The following ST18 variants were observed in gnomAD, a reference collection of about 807,000 sequenced individuals.
The protein encoded by ST18 is ST18 C2H2C-type zinc finger transcription factor, also known as suppression of tumorigenicity 18 protein.
In ST18, 50 loss-of-function variants were observed where a neutral mutation model predicts 110.0. The observed-to-expected ratio is 0.45, with a 90% confidence interval of 0.36 to 0.58. ST18 has a LOEUF of 0.58. Ranked by LOEUF, ST18 falls within the 20% of genes least tolerant of loss-of-function variation. The probability of loss-of-function intolerance (pLI) is 0.00; values close to 1 mark genes in which losing one functional copy is unlikely to be tolerated. For missense variants in ST18, 1,306 were observed against 1,280.1 expected (o/e 1.02, Z -0.31); for synonymous variants, 461 against 452.4 (o/e 1.02, Z -0.24).
intron 2 of ST18, chr8:52,404,989 C>T (rs1473161331): frequency 6.6e-6 from 1 of 152,134 alleles, no homozygotes; most frequent in East Asian, 1.9e-4. Flanking sequence ...GCCTTTTGAA[C>T]AAGCTGATGA....
chr8:52,199,111 C>G (rs2077119569), intron 8 of ST18: 1 of 145,004 alleles, frequency 6.9e-6, no homozygotes, highest in East Asian at 2.0e-4. Context: ...ATTACATAAC[C>G]TTTTTTTTTT....
intron 2 of ST18, among the ~76,000 whole-genome samples, chr8:52,381,757 A>G (rs1834603527): frequency 2.6e-5 from 4 of 152,152 alleles, no homozygotes. Context: ...CTTGTTAATC[A>G]GGACTAGAAT....
chr8:52,365,888 T>A (rs1232407431), intron 2 of ST18, among the ~76,000 whole-genome samples: 1 of 150,400 alleles, frequency 6.6e-6, no homozygotes, highest in African/African-American at 2.5e-5. Context: ...TTTGTAGAGA[T>A]AGGGGTCTCA....
intron 2 of ST18, among the ~76,000 whole-genome samples, chr8:52,383,038 TTCTTCTTCTTC>T (rs913171059): frequency 1.3e-5 from 2 of 152,144 alleles, no homozygotes; most frequent in Admixed American, 6.6e-5. Flanking sequence ...CCTTCTCCCC[TTCTTCTTCTTC>T]TCTTCTTCTT....
chr8:52,363,925 A>G (rs1192243801), intron 2 of ST18, among the ~76,000 whole-genome samples: 1 of 152,210 alleles, frequency 6.6e-6, no homozygotes, highest in South Asian at 2.1e-4. Flanking sequence ...TCTACAAAGA[A>G]GGAAGTACAG....
chr8:52,173,728 TG>T (rs2065854870), intron 9 of ST18, among the ~76,000 whole-genome samples: 2 of 150,340 alleles, frequency 1.3e-5, no homozygotes, highest in South Asian at 2.1e-4. Flanking sequence ...AAAAGCAGGG[TG>T]GGGGGATGGG....
At chr8:52,236,183 G>A (rs955627831) in intron 2 of ST18, among the ~76,000 whole-genome samples, 5 of 152,156 alleles carry the variant, frequency 3.3e-5, no homozygotes, top group African/African-American at 1.2e-4. Context: ...CATTGACACT[G>A]ATGAAGGCAT....
intron 2 of ST18, among the ~76,000 whole-genome samples, chr8:52,379,101 TC>T (rs67387958): frequency 4.1e-4 from 5 of 12,060 alleles, no homozygotes; most frequent in Non-Finnish European, 2.3e-3. Flanking sequence ...TTCTTTTCTT[TC>T]TTTTTTTTTT....
chr8:52,237,646 G>C (rs527246556), intron 2 of ST18, among the ~76,000 whole-genome samples: 25 of 152,190 alleles, frequency 1.6e-4, no homozygotes, highest in Non-Finnish European at 3.5e-4. Context: ...TTATATTTCA[G>C]TGTGGGAGCC....
At chr8:52,186,256 C>G (rs777777786) in intron 8 of ST18, among the ~76,000 whole-genome samples, 16 of 152,260 alleles carry the variant, frequency 1.1e-4, no homozygotes, top group Middle Eastern at 3.4e-3. Context: ...AATTTTAAAC[C>G]TAGGCAAAGT....
intron 9 of ST18, among the ~76,000 whole-genome samples, chr8:52,174,841 C>G (rs111347674): frequency 5.3e-5 from 8 of 152,218 alleles, no homozygotes; most frequent in Middle Eastern, 3.2e-3. Flanking sequence ...TTCCACCCCC[C>G]TCCCAGGCTT....
intron 2 of ST18, among the ~76,000 whole-genome samples, chr8:52,236,227 T>A (rs1484346082): frequency 2.0e-5 from 3 of 152,206 alleles, no homozygotes; most frequent in African/African-American, 7.2e-5. Flanking sequence ...AGCATTTAAA[T>A]CTCACCACAA....
intron 2 of ST18, among the ~76,000 whole-genome samples, chr8:52,388,881 G>T (rs1165713739): frequency 1.3e-5 from 2 of 150,054 alleles, no homozygotes; most frequent in African/African-American, 4.9e-5. Flanking sequence ...TGAGTTAATG[G>T]GTGCAGCACA....
intron 16 of ST18, among the ~76,000 whole-genome samples, chr8:52,146,639 TG>T (rs1227482087): frequency 6.6e-6 from 1 of 152,200 alleles, no homozygotes; most frequent in Non-Finnish European, 1.5e-5. Flanking sequence ...GTTCCTTATC[TG>T]TATTTTATTG....
chr8:52,242,664 G>A (rs552042760), intron 2 of ST18, among the ~76,000 whole-genome samples: 1 of 152,146 alleles, frequency 6.6e-6, no homozygotes, highest in Non-Finnish European at 1.5e-5. Flanking sequence ...CCAACATGGC[G>A]AAAACCCATG....
intron 25 of ST18, among the ~76,000 whole-genome samples, 165 bp from the exon 26 acceptor site, chr8:52,113,503 G>T (rs892908927): frequency 1.3e-5 from 2 of 152,144 alleles, no homozygotes; most frequent in African/African-American, 4.8e-5. Flanking sequence ...GTGTGTGTGG[G>T]ATTCATCTGT....
intron 8 of ST18, among the ~76,000 whole-genome samples, chr8:52,210,630 C>T (rs1446839595): frequency 1.3e-5 from 2 of 151,620 alleles, no homozygotes; most frequent in East Asian, 3.9e-4. Flanking sequence ...TGCACTCCAG[C>T]CTGGGAGACA....
intron 2 of ST18, among the ~76,000 whole-genome samples, chr8:52,346,796 G>C (rs768599878): frequency 6.6e-6 from 1 of 152,244 alleles, no homozygotes; most frequent in African/African-American, 2.4e-5. Context: ...GAAAGGTTTC[G>C]AGGGTGGGGA....
chr8:52,215,141 A>G (rs537432779), intron 6 of ST18, among the ~76,000 whole-genome samples: 16 of 152,270 alleles, frequency 1.1e-4, no homozygotes, highest in African/African-American at 3.9e-4. Context: ...TTAAATCCTG[A>G]CACTAGCTCT....
Sources: allele counts gnomAD v4.1 joint callset (sites outside exome capture counted in the v4.1 genomes callset), GRCh38; gene constraint gnomAD v4.1.1; transcripts MANE v1.5; gene names NCBI Gene and HGNC (gene_info 2026-07-23, HGNC 2026-07-21).